CLTCL1: variants seen among roughly 807,000 people sequenced by gnomAD.
CLTCL1 encodes clathrin heavy chain like 1.
In CLTCL1, 159 loss-of-function variants were observed where a neutral mutation model predicts 190.0. The ratio of observed to expected loss-of-function variants is 0.84; its 90% CI spans 0.74 to 0.95. The LOEUF is 0.95. CLTCL1 is among the 40% of genes least tolerant of loss of function. CLTCL1 has a pLI of 0.00. For missense variants in CLTCL1, 1,878 were observed against 2,033.4 expected, an observed-to-expected ratio of 0.92 and a Z score of 1.47; for synonymous variants, 752 against 769.6, an observed-to-expected ratio of 0.98 and a Z score of 0.38.
rs958225657 is a variant in CLTCL1 at position 19,280,534 on chromosome 22, C to T, written c.43-4704G>A. ...GTCATTATGCTAAGTAAAAAAAAAC[C>T]AAGGTCTGGTGAGATGGCTCACGCC... On this transcript the variant is annotated intron_variant, in intron 1 of 32. Transcript: ENST00000427926. 6.6e-5 allele frequency among the ~76,000 whole-genome samples: 10 copies of T among 151,968 alleles called. No homozygotes were observed. The East Asian group carries it at 1.9e-3, about 29-fold the overall frequency.
chr22:19,206,675 G>A (rs181670084), intron 22 of CLTCL1, among the ~76,000 whole-genome samples: 3 of 152,154 alleles, frequency 2.0e-5, no homozygotes, highest in African/African-American at 4.8e-5. Context: ...GTGCCCAAAC[G>A]ATTCTCGCAC....
chr22:19,191,338 A>C lies in CLTCL1; in HGVS notation c.4289T>G (p.Leu1430Arg). 1 of 1,614,036 alleles carries C rather than the reference A, an allele frequency of 6.2e-7. No homozygotes were observed. The highest frequency in any genetic ancestry group is 1.6e-4 in the Middle Eastern group (1 of 6,062). Residue 1430 changes from leucine (L) to arginine (R), a missense_variant, in exon 27 of 33, where the codon CTG becomes CGG. Transcript: ENST00000427926. ...GAAACTGACTGTCCAGGTGTGGTCC[A>C]GCCGGGGTGAAAGCACCAGCAGCAG... ...NDLLLVLSPR[L>R]DHTWTVSFFS...
intron 31 of CLTCL1, 66 bp from the exon 32 acceptor site, chr22:19,180,304 G>A: frequency 1.9e-6 from 3 of 1,549,518 alleles, no homozygotes; most frequent in Non-Finnish European, 2.7e-6. Flanking sequence ...AGACCCGCCG[G>A]CGTGCTGCAC....
At chr22:19,180,334 G>C (rs1601411406) in intron 31 of CLTCL1, 96 bp from the exon 32 acceptor site, 2 of 1,295,092 alleles carry the variant, frequency 1.5e-6, no homozygotes, top group Non-Finnish European at 2.2e-6. Context: ...ACACCCTCAG[G>C]CCTGTGTTTG....
intron 2 of CLTCL1, chr22:19,257,871 G>C: frequency 1.4e-6 from 2 of 1,400,744 alleles, no homozygotes; most frequent in Non-Finnish European, 1.9e-6. Flanking sequence ...GGAGCACCTG[G>C]AGAAGAAGAG....
intron 2 of CLTCL1, among the ~76,000 whole-genome samples, chr22:19,257,286 A>G (rs1458945715): frequency 2.0e-5 from 3 of 152,210 alleles, no homozygotes; most frequent in African/African-American, 7.2e-5. Context: ...ATGAACCTTC[A>G]CATATATGAT....
chr22:19,225,686 A>G, intron 12 of CLTCL1, 53 bp from the exon 13 acceptor site: 1 of 1,438,198 alleles, frequency 7.0e-7, no homozygotes, highest in Non-Finnish European at 9.4e-7. Context: ...AAAGATTGCT[A>G]ACACTTGGAA....
At chr22:19,256,616 C>A (rs1368516566) in intron 2 of CLTCL1, among the ~76,000 whole-genome samples, 7 of 151,936 alleles carry the variant, frequency 4.6e-5, no homozygotes, top group African/African-American at 1.7e-4. Flanking sequence ...CCTCAGCCTC[C>A]CAAAGTGCTG....
chr22:19,238,960 T>C (rs1555963664), intron 5 of CLTCL1, among the ~76,000 whole-genome samples: 1 of 152,218 alleles, frequency 6.6e-6, no homozygotes, highest in African/African-American at 2.4e-5. Flanking sequence ...CATTAGGTAT[T>C]TTATTCTTTA....
At chr22:19,251,408 T>C (rs574027042) in intron 3 of CLTCL1, among the ~76,000 whole-genome samples, 13 of 152,328 alleles carry the variant, frequency 8.5e-5, no homozygotes, top group African/African-American at 3.1e-4. Context: ...GCTTATGTCA[T>C]CTGCAAATAG....
Position 19,216,182 on chromosome 22 carries a change from G to A in CLTCL1, c.2994C>T (p.Ala998=), listed in dbSNP as rs1427214896. 1.1e-5 allele frequency: 18 copies of A among 1,613,716 alleles called. 1 individual carries two copies. In the African/African-American group the frequency reaches 1.2e-4, roughly 11 times the overall value. ...ISVTVKAFMT[A]DLPNELIELL... ...GTTCAATCAGTTCATTAGGCAGGTCGGCTGTCATAAAGGCTTTGACAGTGA... is the reference window on the plus strand; with the variant it reads ...GTTCAATCAGTTCATTAGGCAGGTCAGCTGTCATAAAGGCTTTGACAGTGA... Residue 998 remains alanine, a synonymous_variant, in exon 19 of 33, where the codon GCC becomes GCT. Coordinates refer to ENST00000427926, the MANE Select transcript of CLTCL1 (RefSeq NM_007098.4).
intron 1 of CLTCL1, among the ~76,000 whole-genome samples, chr22:19,285,767 T>C (rs555953107): frequency 2.0e-5 from 3 of 152,268 alleles, no homozygotes; most frequent in South Asian, 2.1e-4. Context: ...ATCAGACAGA[T>C]TGCAGAAAGA....
intron 1 of CLTCL1, among the ~76,000 whole-genome samples, chr22:19,284,512 C>A (rs2087833814): frequency 6.6e-6 from 1 of 151,670 alleles, no homozygotes; most frequent in Non-Finnish European, 1.5e-5. Flanking sequence ...ATACAAAAAT[C>A]AGCTGGGTGT....
Position 19,223,951 on chromosome 22 carries a change from C to G in CLTCL1, c.2232G>C (p.Val744=). ...AGCTGCTCTCTCGGCATATCCTCTC[C>G]ACCTCCTTGATCTGCCCTGTCTTAC... ...AACKTGQIKE[V]ERICRESSCY... is the part of the protein sequence containing the mutation. Residue 744 remains valine (V), a synonymous_variant, in exon 14 of 33, where the codon GTG becomes GTC. Transcript: ENST00000427926. The G allele has an allele frequency of 6.2e-7, 1 of 1,613,948 alleles. No individual in the cohort carries two copies. Among genetic ancestry groups the G allele is most frequent in the Non-Finnish European group, 8.5e-7 (1 of 1,179,878 alleles).
At chr22:19,182,993 T>C (rs2084191021) in intron 30 of CLTCL1, 1 of 259,874 alleles carries the variant, frequency 3.8e-6, no homozygotes, top group Non-Finnish European at 7.6e-6. Flanking sequence ...ACCAACCGTA[T>C]GCTAACAGCT....
chr22:19,212,600 A>AAAGAAAGG (rs1555947464), intron 19 of CLTCL1, among the ~76,000 whole-genome samples: 45 of 148,954 alleles, frequency 3.0e-4, no homozygotes, highest in Middle Eastern at 3.4e-3. Flanking sequence ...AGAAAGAAAG[A>AAAGAAAGG]AAGGAAGGAA....
chr22:19,264,931 G>C (rs1384794686), intron 2 of CLTCL1, among the ~76,000 whole-genome samples: 3 of 152,042 alleles, frequency 2.0e-5, no homozygotes, highest in African/African-American at 7.2e-5. Context: ...TGGGATTATA[G>C]GCATACACCA....
chr22:19,278,365 C>A (rs2087589514), intron 1 of CLTCL1, among the ~76,000 whole-genome samples: 1 of 152,022 alleles, frequency 6.6e-6, no homozygotes, highest in South Asian at 2.1e-4. Context: ...TGGACGGAAG[C>A]ACCAAGAGAG....
intron 3 of CLTCL1, among the ~76,000 whole-genome samples, chr22:19,246,138 C>T (rs2145990862): frequency 6.6e-6 from 1 of 152,274 alleles, no homozygotes; most frequent in East Asian, 1.9e-4. Flanking sequence ...TGGCTCACTG[C>T]AAGCTCTGCC....
Sources: gnomAD v4.1 joint callset for allele counts (sites outside exome capture counted in the v4.1 genomes callset) on GRCh38, gnomAD v4.1.1 for gene constraint, MANE v1.5 for transcripts, NCBI Gene and HGNC (gene_info 2026-07-23, HGNC 2026-07-21) for gene names.